Variants in QKI observed in about 807,000 individuals in gnomAD.
QKI encodes the protein KH domain-containing RNA-binding protein QKI.
In QKI, 10 loss-of-function variants were observed where a neutral mutation model predicts 39.0. That is an observed-to-expected ratio of 0.26 (90% confidence interval 0.16 to 0.43). The LOEUF (loss-of-function observed/expected upper bound fraction) is 0.43. QKI is among the 20% of genes least tolerant of loss of function. QKI has a pLI of 1.00. For missense variants in QKI, 218 were observed against 428.0 expected (o/e 0.51, Z 4.33); for synonymous variants, 204 against 155.4 (o/e 1.31, Z -2.33).
At chr6:163,421,497 C>T (rs550241095) in intron 1 of QKI, among the ~76,000 whole-genome samples, 2 of 152,280 alleles carry the variant, frequency 1.3e-5, no homozygotes, top group South Asian at 2.1e-4. Context: ...CCATGCAGGG[C>T]ACAATAGATA....
At chr6:163,454,450 C>G (rs886361306) in intron 1 of QKI, among the ~76,000 whole-genome samples, 2 of 152,046 alleles carry the variant, frequency 1.3e-5, no homozygotes, top group Non-Finnish European at 2.9e-5. Flanking sequence ...ACCCTCTTTC[C>G]CTTGAAACTT....
intron 3 of QKI, among the ~76,000 whole-genome samples, chr6:163,528,843 C>A (rs1780673755): frequency 6.6e-6 from 1 of 152,060 alleles, no homozygotes; most frequent in Non-Finnish European, 1.5e-5. Flanking sequence ...TGTTATTGCA[C>A]CCTACCTTAA....
chr6:163,484,154 A>G (rs1050443945), intron 3 of QKI, among the ~76,000 whole-genome samples: 23 of 151,758 alleles, frequency 1.5e-4, no homozygotes, highest in African/African-American at 5.6e-4. Context: ...GCTGACATCC[A>G]GGCTTTGTTG....
intron 3 of QKI, among the ~76,000 whole-genome samples, chr6:163,527,197 A>G (rs1429627011): frequency 6.6e-6 from 1 of 152,170 alleles, no homozygotes; most frequent in African/African-American, 2.4e-5. Context: ...CTCACATTCA[A>G]GTTTTTAAAA....
chr6:163,471,483 A>G (rs1464737067), intron 2 of QKI, among the ~76,000 whole-genome samples: 2 of 152,180 alleles, frequency 1.3e-5, no homozygotes, highest in African/African-American at 4.8e-5. Flanking sequence ...TAAAAGATAC[A>G]GAATTTGAAA....
chr6:163,464,917 A>AGGAT (rs1791617907), intron 2 of QKI, among the ~76,000 whole-genome samples: 1 of 152,196 alleles, frequency 6.6e-6, no homozygotes, highest in Non-Finnish European at 1.5e-5. Flanking sequence ...CTTGATGAAC[A>AGGAT]GTTGCAAAAA....
chr6:163,498,739 C>G (rs1778565850), intron 3 of QKI, among the ~76,000 whole-genome samples: 1 of 152,072 alleles, frequency 6.6e-6, no homozygotes, highest in Admixed American at 6.6e-5. Flanking sequence ...AGATATTTGA[C>G]AGGTTTGTAC....
At chr6:163,525,362 C>T (rs1583162568) in intron 3 of QKI, among the ~76,000 whole-genome samples, 2 of 147,608 alleles carry the variant, frequency 1.4e-5, no homozygotes, top group South Asian at 2.1e-4. Context: ...CCCTCCCTTC[C>T]TTTCCTTTCT....
chr6:163,526,131 G>C (rs1780500905), intron 3 of QKI, among the ~76,000 whole-genome samples: 1 of 152,068 alleles, frequency 6.6e-6, no homozygotes, highest in South Asian at 2.1e-4. Flanking sequence ...TATGTCAAAA[G>C]AAAAAATAGT....
chr6:163,475,411 T>A (rs555620483), intron 2 of QKI, among the ~76,000 whole-genome samples: 2 of 152,346 alleles, frequency 1.3e-5, no homozygotes, highest in African/African-American at 4.8e-5. Context: ...GTATTAGGTA[T>A]TTTAAGTAAT....
intron 3 of QKI, among the ~76,000 whole-genome samples, chr6:163,533,182 T>TA (rs1780974973): frequency 6.6e-6 from 1 of 151,710 alleles, no homozygotes; most frequent in Admixed American, 6.6e-5. Flanking sequence ...GGTGAGAAAA[T>TA]ACTGTTAGCA....
intron 3 of QKI, among the ~76,000 whole-genome samples, chr6:163,500,142 G>T (rs1778668685): frequency 6.6e-6 from 1 of 152,178 alleles, no homozygotes; most frequent in Non-Finnish European, 1.5e-5. Flanking sequence ...GGGAAGAGAA[G>T]ACGTTTATGT....
rs562359801 is a variant in QKI at position 163,460,314 on chromosome 6, C to A, written c.285+4893C>A. Among the ~76,000 whole-genome samples, 236 of 152,170 alleles carry A rather than the reference C, an allele frequency of 1.6e-3. 2 individuals are homozygous for A. The highest frequency in any genetic ancestry group is 2.4e-3 in the Non-Finnish European group (162 of 68,010). On this transcript the variant is annotated intron_variant, in intron 2 of 7. Transcript: ENST00000361752. ...CTTGGGTCTAGGCCATCATGAATAC[C>A]CATATTGTCAAAGGTTTTGTAAGAC...
chr6:163,454,115 G>C (rs1016884353), intron 1 of QKI, among the ~76,000 whole-genome samples: 1 of 151,960 alleles, frequency 6.6e-6, no homozygotes, highest in Non-Finnish European at 1.5e-5. Flanking sequence ...TTCTCCCAAG[G>C]AGGACACAGT....
At chr6:163,501,013 T>A (rs1429584158) in intron 3 of QKI, among the ~76,000 whole-genome samples, 1 of 152,134 alleles carries the variant, frequency 6.6e-6, no homozygotes, top group Non-Finnish European at 1.5e-5. Context: ...GAAAATAGTT[T>A]CTCAGTCAAA....
chr6:163,492,371 A>G (rs977379515), intron 3 of QKI, among the ~76,000 whole-genome samples: 1 of 152,154 alleles, frequency 6.6e-6, no homozygotes, highest in Non-Finnish European at 1.5e-5. Flanking sequence ...TTAAATACCT[A>G]TAATTTTTAG....
chr6:163,449,798 T>C (rs1017654578), intron 1 of QKI, among the ~76,000 whole-genome samples: 3 of 152,176 alleles, frequency 2.0e-5, no homozygotes, highest in African/African-American at 7.2e-5. Context: ...GTATTGATTT[T>C]ATACACAGCC....
intron 4 of QKI, among the ~76,000 whole-genome samples, chr6:163,557,313 G>A (rs991068005): frequency 6.6e-6 from 1 of 152,136 alleles, no homozygotes; most frequent in Non-Finnish European, 1.5e-5. Context: ...TGGGTTTGTG[G>A]AAATGTCCTG....
At chr6:163,456,666 A>G (rs1790941564) in intron 2 of QKI, among the ~76,000 whole-genome samples, 1 of 152,206 alleles carries the variant, frequency 6.6e-6, no homozygotes, top group Non-Finnish European at 1.5e-5. Flanking sequence ...AAGGTTATAT[A>G]CATTTACTCT....
Sources: allele counts gnomAD v4.1 joint callset (sites outside exome capture counted in the v4.1 genomes callset), GRCh38; gene constraint gnomAD v4.1.1; transcripts MANE v1.5; gene names NCBI Gene and HGNC (gene_info 2026-07-23, HGNC 2026-07-21).